PLIN1: variants seen among roughly 807,000 people sequenced by gnomAD.
PLIN1 encodes perilipin 1.
In PLIN1, 37 loss-of-function variants were observed where a neutral mutation model predicts 45.8. That is an observed-to-expected ratio of 0.81 (90% CI 0.62 to 1.06). The LOEUF (loss-of-function observed/expected upper bound fraction) is 1.06, where lower values mean the gene tolerates loss of function less well. PLIN1 is among the 50% of genes least tolerant of loss of function. The pLI is 0.00. For missense variants in PLIN1, 776 were observed against 716.5 expected, an observed-to-expected ratio of 1.08 and a Z score of -0.95; for synonymous variants, 340 against 309.2, an observed-to-expected ratio of 1.10 and a Z score of -1.05.
At position 89,671,497 on chromosome 15, in the gene PLIN1, C is replaced by G; in HGVS notation, c.318G>C (p.Gln106His). 6.4e-7 allele frequency: 1 copy of G among 1,572,290 alleles called. No individual in the cohort carries two copies. The highest frequency in any genetic ancestry group is 8.6e-7 in the Non-Finnish European group (1 of 1,158,048). The change falls in exon 4 of 9, where the codon CAG becomes CAC. Residue 106 changes from glutamine (Q) to histidine (H), a missense_variant. By Grantham distance (24) the Gln-to-His change is conservative. Coordinates refer to ENST00000300055, the MANE Select transcript of PLIN1 (RefSeq NM_002666.5). ...DHLEEKIPALQYPPEKIASEL... is the reference protein window; with the variant it reads ...DHLEEKIPALHYPPEKIASEL... The stretch of plus-strand genomic sequence containing the variant: ...AAGGGCTCACCTTTTCAGGGGGGTA[C>G]TGGAGGGCGGGGATCTTTTCCTCCA...
intron 2 of PLIN1, among the ~76,000 whole-genome samples, chr15:89,674,220 C>T (rs1025838736): frequency 2.6e-5 from 4 of 152,288 alleles, no homozygotes; most frequent in South Asian, 2.1e-4. Flanking sequence ...AGAATCCTTT[C>T]CATCCTTCCT....
intron 7 of PLIN1, 40 bp downstream of exon 7, chr15:89,667,562 G>A (rs753597673): frequency 1.9e-6 from 3 of 1,614,094 alleles, no homozygotes; most frequent in Non-Finnish European, 1.7e-6. Context: ...CACCCCTTCT[G>A]TGGGCTGGGG....
At chr15:89,669,929 G>A in intron 5 of PLIN1, 51 bp downstream of exon 5, 1 of 1,573,354 alleles carries the variant, frequency 6.4e-7, no homozygotes, top group Non-Finnish European at 8.6e-7. Context: ...TGATTCCCAG[G>A]CAGTGTGTGT....
intron 2 of PLIN1, among the ~76,000 whole-genome samples, chr15:89,676,070 A>G (rs1964510639): frequency 6.6e-6 from 1 of 151,538 alleles, no homozygotes; most frequent in Admixed American, 6.6e-5. Flanking sequence ...AACCCAGGTC[A>G]GATTCCGATG....
At chr15:89,677,923 T>C (rs1420132438) in intron 1 of PLIN1, 2 of 175,458 alleles carry the variant, frequency 1.1e-5, no homozygotes, top group African/African-American at 4.8e-5. Context: ...GCTAGTTTTT[T>C]TTTTTTTTTC....
intron 2 of PLIN1, among the ~76,000 whole-genome samples, chr15:89,674,743 T>G (rs781345056): frequency 5.8e-4 from 88 of 152,252 alleles, no homozygotes; most frequent in Middle Eastern, 6.8e-3. Flanking sequence ...TATGTCTCCC[T>G]TTAGAAGTGC....
intron 1 of PLIN1, chr15:89,677,754 T>TTTC: frequency 6.3e-6 from 1 of 157,642 alleles, no homozygotes; most frequent in East Asian, 1.5e-4. Flanking sequence ...TCTTTCTTTC[T>TTTC]TTTTTTTTTT....
rs1325987976 is a variant in PLIN1, at chr15:89,665,936, TG to T, written c.1215del (p.Arg406GlyfsTer4). 6.6e-7 allele frequency: 1 copy of T among 1,517,982 alleles called. No individual in the cohort carries two copies. 94.0% of individuals were successfully genotyped at this position (1,517,982 alleles called of 1,614,324 possible). A position where few individuals can be genotyped will look rare whatever the true frequency, so the allele number is the denominator to read the frequency against. Reference protein sequence around the residue: ...VDTVVHYVPLPRLSLMEPESE... With the variant: ...VDTVVHYVPLXRLSLMEPESE... ...CTCTCGGGCTCCATCAGCGACAGCCTGGGGAGCTGAGGGCCCGGCAGCCGCC... is the reference window on the plus strand; with the variant it reads ...CTCTCGGGCTCCATCAGCGACAGCCTGGGAGCTGAGGGCCCGGCAGCCGCC... On this transcript the variant is annotated frameshift_variant, in exon 9 of 9. Coordinates refer to ENST00000300055, the MANE Select transcript of PLIN1 (RefSeq NM_002666.5). LOFTEE classifies it low-confidence loss of function (END_TRUNC).
At chr15:89,667,524 C>T in intron 7 of PLIN1, 78 bp downstream of exon 7, 1 of 1,609,722 alleles carries the variant, frequency 6.2e-7, no homozygotes, top group Non-Finnish European at 8.5e-7. Flanking sequence ...GGGCAGAGGC[C>T]CTGAGTTCAC....
intron 4 of PLIN1, 112 bp from the exon 5 acceptor site, chr15:89,670,356 GC>G: frequency 8.9e-7 from 1 of 1,119,672 alleles, no homozygotes; most frequent in Non-Finnish European, 1.3e-6. Context: ...TCACCTAAAG[GC>G]CCAGGGAACT....
chr15:89,665,816 C>A lies in PLIN1; in HGVS notation c.1336G>T (p.Ala446Ser). ...SGAPSAGPEP[A>S]PRLAQPRRSL... The stretch of plus-strand genomic sequence containing the variant: ...CGGCGGGGCTGTGCGAGACGCGGGG[C>A]GGGCTCCGGGCCGGCGGACGGCGCC... The change falls in exon 9 of 9, where the codon GCC becomes TCC. Residue 446 changes from alanine (A) to serine (S), a missense_variant. Physicochemically the swap from Ala to Ser is moderately conservative, Grantham distance 99 (BLOSUM62 1). Coordinates refer to ENST00000300055, the MANE Select transcript of PLIN1 (RefSeq NM_002666.5). 1 of 1,378,182 alleles carries A rather than the reference C, an allele frequency of 7.3e-7. No individual in the cohort carries two copies. The highest frequency in any genetic ancestry group is 1.6e-5 in the South Asian group (1 of 63,094). The allele number at this position is 1,378,182 out of a possible 1,614,324, so 85.4% of individuals were successfully genotyped here. A position where few individuals can be genotyped will look rare whatever the true frequency, so the allele number is the denominator to read the frequency against.
At position 89,666,908 on chromosome 15, in the gene PLIN1, C is replaced by CT. The variant is rs1160137592; in HGVS notation, c.1209+27dup. ...GCCATGTCCAGGCCCCCTTGGGACA[C>CT]TAACAGTTTGCCAGGGGTGGTACTC... On this transcript the variant is annotated intron_variant, in intron 8 of 8. Transcript: ENST00000300055. 3.7e-6 allele frequency: 6 copies of CT among 1,613,284 alleles called. No homozygotes were observed. The East Asian group carries it at 6.7e-5, about 18-fold the overall frequency.
At chr15:89,668,620 C>T (rs994387647) in intron 6 of PLIN1, among the ~76,000 whole-genome samples, 1 of 152,200 alleles carries the variant, frequency 6.6e-6, no homozygotes, top group Non-Finnish European at 1.5e-5. Flanking sequence ...ACAGAGACTC[C>T]TTATTACACA....
At chr15:89,671,608 A>G (rs370878413) in intron 3 of PLIN1, 44 bp from the exon 4 acceptor site, 4 of 1,377,902 alleles carry the variant, frequency 2.9e-6, no homozygotes, top group East Asian at 2.5e-5. Flanking sequence ...GCCCCTCCCC[A>G]TGAGAATCTA....
chr15:89,677,406 TTGTCCATCCCC>T, intron 2 of PLIN1, 28 bp downstream of exon 2: 1 of 1,546,254 alleles, frequency 6.5e-7, no homozygotes, highest in Non-Finnish European at 8.9e-7. Context: ...CCTCCCTCAG[TTGTCCATCCCC>T]TGTCACAGAT....
Position 89,670,356 on chromosome 15 carries a change from G to A in PLIN1, c.334-112C>T, listed in dbSNP as rs749873377. 14 of 1,119,558 alleles carry A rather than the reference G, an allele frequency of 1.3e-5. No individual in the cohort carries two copies. In the African/African-American group the frequency reaches 1.9e-4, roughly 15 times the overall value. 69.4% of individuals were successfully genotyped at this position (1,119,558 alleles called of 1,614,324 possible). Reference sequence around the variant, plus strand: ...GCTCCCAGGAAGGCATCACCTAAAGGCCCAGGGAACTGGTACTGATATTTA... The same window carrying A: ...GCTCCCAGGAAGGCATCACCTAAAGACCCAGGGAACTGGTACTGATATTTA... On this transcript the variant is annotated intron_variant, in intron 4 of 8. Coordinates refer to ENST00000300055, the MANE Select transcript of PLIN1 (RefSeq NM_002666.5).
intron 3 of PLIN1, among the ~76,000 whole-genome samples, chr15:89,672,930 G>C (rs910830685): frequency 6.6e-6 from 1 of 152,218 alleles, no homozygotes; most frequent in African/African-American, 2.4e-5. Context: ...CCTCACCACT[G>C]CCTGCACAGC....
chr15:89,667,718 A>C lies in PLIN1; in HGVS notation c.847T>G (p.Trp283Gly), dbSNP rs1202619366. 1.9e-6 allele frequency: 3 copies of C among 1,578,942 alleles called. No homozygotes were observed. The highest frequency in any genetic ancestry group is 2.6e-6 in the Non-Finnish European group (3 of 1,162,470). ...SRRRSEVRVP[W>G]LHSLAAAQEE... Reference sequence around the variant, plus strand: ...TGGGCGGCTGCGAGGCTGTGCAGCCAGGGTACCCGCACTTCGCTCCTCCGC... The same window carrying C: ...TGGGCGGCTGCGAGGCTGTGCAGCCCGGGTACCCGCACTTCGCTCCTCCGC... The change falls in exon 7 of 9, where the codon TGG becomes GGG. Residue 283 changes from tryptophan to glycine, a missense_variant. Trp to Gly is a radical substitution (Grantham distance 184). Coordinates refer to ENST00000300055, the MANE Select transcript of PLIN1 (RefSeq NM_002666.5).
chr15:89,666,044 G>A (rs1964335197), intron 8 of PLIN1, 102 bp from the exon 9 acceptor site: 2 of 940,882 alleles, frequency 2.1e-6, no homozygotes, highest in Non-Finnish European at 2.9e-6. Context: ...CCCCGGGAGC[G>A]GCCGTCAGGA....
Sources: gnomAD v4.1 joint callset for allele counts (sites outside exome capture counted in the v4.1 genomes callset) on GRCh38, gnomAD v4.1.1 for gene constraint, MANE v1.5 for transcripts, NCBI Gene and HGNC (gene_info 2026-07-23, HGNC 2026-07-21) for gene names.